The following ANO4 variants were observed in gnomAD, a reference collection of about 807,000 sequenced individuals.
ANO4 encodes the protein anoctamin-4.
A neutral mutation model predicts 141.9 loss-of-function variants in ANO4; 69 were observed. The observed-to-expected ratio is 0.49, with a 90% CI of 0.40 to 0.59. The LOEUF (loss-of-function observed/expected upper bound fraction) is 0.59, where lower values mean the gene tolerates loss of function less well. Ranked by LOEUF, ANO4 falls within the 20% of genes least tolerant of loss-of-function variation. The probability of loss-of-function intolerance (pLI) is 0.00; values close to 1 mark genes in which losing one functional copy is unlikely to be tolerated. For synonymous variants in ANO4, 350 were observed against 394.3 expected (o/e 0.89, Z 1.33); for missense variants, 894 against 1,162.2 (o/e 0.77, Z 3.36).
chr12:100,953,741 A>G (rs901940193), intron 5 of ANO4, among the ~76,000 whole-genome samples: 2 of 152,238 alleles, frequency 1.3e-5, no homozygotes, highest in African/African-American at 4.8e-5. Context: ...CTAAGCACAA[A>G]GAGAAATTGG....
At chr12:100,984,230 G>A (rs2136321010) in intron 7 of ANO4, among the ~76,000 whole-genome samples, 1 of 152,278 alleles carries the variant, frequency 6.6e-6, no homozygotes, top group South Asian at 2.1e-4. Flanking sequence ...CTAAGTAGCT[G>A]GGATTACAGG....
At chr12:100,818,333 T>C (rs1593416300) in intron 1 of ANO4, among the ~76,000 whole-genome samples, 1 of 151,878 alleles carries the variant, frequency 6.6e-6, no homozygotes, top group Non-Finnish European at 1.5e-5. Flanking sequence ...GAGCTGTGGG[T>C]ATCAGTCTTT....
chr12:100,745,914 G>C (rs557779484), intron 3 of ANO4, among the ~76,000 whole-genome samples: 47 of 152,276 alleles, frequency 3.1e-4, no homozygotes, highest in African/African-American at 1.1e-3. Context: ...TGAGAGAAAA[G>C]ACACATTACC....
intron 1 of ANO4, 54 bp from the exon 2 acceptor site, chr12:100,901,592 T>G: frequency 1.5e-6 from 1 of 651,796 alleles, no homozygotes; most frequent in East Asian, 2.7e-5. Context: ...GTAACAGCCT[T>G]TTAGCCATTC....
In ANO4 at chr12:101,110,517, C is replaced by G. The variant is rs2050622925; in HGVS notation, c.2263C>G (p.Gln755Glu). 1 of 1,609,426 alleles carries G rather than the reference C, an allele frequency of 6.2e-7. No homozygotes were observed. Among genetic ancestry groups the G allele is most frequent in the African/African-American group, 1.3e-5 (1 of 74,740 alleles). ...ACTTGATGCTTACAAATTTGTCACACAGTGGAGGAGACCTTTAGCTTCAAG... is the reference window on the plus strand; with the variant it reads ...ACTTGATGCTTACAAATTTGTCACAGAGTGGAGGAGACCTTTAGCTTCAAG... The part of the protein sequence containing the change: ...IRLDAYKFVT[Q>E]WRRPLASRAK... The change falls in exon 23 of 28, where the codon CAG becomes GAG. Residue 755 changes from glutamine to glutamate, a missense_variant. Around this residue, in one of 2 missense-constraint regions of ANO4, gnomAD observed 637 missense variants for 909.2 expected, o/e 0.70. Transcript: ENST00000392977.
chr12:100,759,059 A>G (rs2032741713), intron 3 of ANO4, among the ~76,000 whole-genome samples: 1 of 152,146 alleles, frequency 6.6e-6, no homozygotes, highest in South Asian at 2.1e-4. Context: ...AGATGGGCAT[A>G]TATTTTGGGA....
chr12:101,070,164 A>G (rs1206858117), intron 14 of ANO4, among the ~76,000 whole-genome samples: 1 of 152,304 alleles, frequency 6.6e-6, no homozygotes, highest in Middle Eastern at 3.4e-3. Context: ...TAGAAAAAAT[A>G]ATCCTAAAAT....
At chr12:101,114,850 G>C (rs1036938949) in intron 24 of ANO4, among the ~76,000 whole-genome samples, 2 of 152,130 alleles carry the variant, frequency 1.3e-5, no homozygotes, top group Non-Finnish European at 2.9e-5. Flanking sequence ...TTCAGTAGGG[G>C]AGTCCTGCTG....
rs1370047334 is a variant in ANO4, at chr12:100,998,412, T to TATCTATCTATCTATCC, written c.734+10745_734+10746insTATCTATCTATCCATC. On this transcript the variant is annotated intron_variant, in intron 8 of 27. Coordinates refer to ENST00000392977, the MANE Select transcript of ANO4 (RefSeq NM_001286615.2). ...CTATCTATCTATCTATCTATCTATC[T>TATCTATCTATCTATCC]ATCCATCCTATTAGTTCTGTCCCTC... Among the ~76,000 whole-genome samples the TATCTATCTATCTATCC allele has an allele frequency of 4.0e-5, 6 of 150,048 alleles. 1 individual carries two copies. Among genetic ancestry groups the TATCTATCTATCTATCC allele is most frequent in the African/African-American group, 1.5e-4 (6 of 40,684 alleles).
chr12:100,800,053 A>G (rs1252271445), intron 1 of ANO4, among the ~76,000 whole-genome samples: 1 of 152,202 alleles, frequency 6.6e-6, no homozygotes, highest in Non-Finnish European at 1.5e-5. Flanking sequence ...AGTGAGTCAT[A>G]TCAAGCAAAT....
At chr12:100,748,111 A>T (rs2032196327) in intron 3 of ANO4, among the ~76,000 whole-genome samples, 1 of 152,128 alleles carries the variant, frequency 6.6e-6, no homozygotes, top group Admixed American at 6.5e-5. Flanking sequence ...GGTACTCCAT[A>T]TATGCAAGCT....
Position 100,922,281 on chromosome 12 carries a change from G to A in ANO4, c.111G>A (p.Gly37=), listed in dbSNP as rs2041666665. 1.3e-6 allele frequency: 2 copies of A among 1,533,334 alleles called. No individual in the cohort carries two copies. The highest frequency in any genetic ancestry group is 1.7e-6 in the Non-Finnish European group (2 of 1,145,952). The allele number at this position is 1,533,334 out of a possible 1,614,324, so 95.0% of individuals were successfully genotyped here. A position where few individuals can be genotyped will look rare whatever the true frequency, so the allele number is the denominator to read the frequency against. Residue 37 remains glycine, a synonymous_variant, in exon 3 of 28, where the codon GGG becomes GGA. Transcript: ENST00000392977. The part of the protein sequence containing the change: ...YQLDMQILPD[G]PKSDVDFSEI... ...TGGATATGCAAATACTACCTGACGG[G>A]CCAAAGAGTGATGTGGACTTTTCAG...
chr12:100,843,322 A>G (rs948444880), intron 1 of ANO4, among the ~76,000 whole-genome samples: 6 of 152,198 alleles, frequency 3.9e-5, no homozygotes, highest in African/African-American at 9.6e-5. Context: ...TCAAGAATGA[A>G]TAGATTCACT....
intron 1 of ANO4, among the ~76,000 whole-genome samples, chr12:100,899,087 G>T (rs189613349): frequency 1.3e-5 from 2 of 152,270 alleles, no homozygotes; most frequent in East Asian, 3.9e-4. Flanking sequence ...AGACCTCTGG[G>T]AGTAGAAGGC....
At chr12:100,834,256 G>A (rs2036785782) in intron 1 of ANO4, among the ~76,000 whole-genome samples, 1 of 152,150 alleles carries the variant, frequency 6.6e-6, no homozygotes, top group Non-Finnish European at 1.5e-5. Flanking sequence ...CTACACCAGG[G>A]CAGTTAGTGG....
intron 1 of ANO4, among the ~76,000 whole-genome samples, chr12:100,865,908 G>A (rs1242914275): frequency 6.6e-6 from 1 of 152,166 alleles, no homozygotes; most frequent in East Asian, 1.9e-4. Flanking sequence ...TACCAGACTT[G>A]GTGGGGAGAC....
intron 3 of ANO4, among the ~76,000 whole-genome samples, chr12:100,761,682 G>A (rs1170224465): frequency 2.6e-5 from 4 of 152,164 alleles, no homozygotes; most frequent in Non-Finnish European, 5.9e-5. Context: ...AAACTGTTTA[G>A]GCACAGTGAG....
intron 3 of ANO4, among the ~76,000 whole-genome samples, chr12:100,764,633 C>T (rs1230795549): frequency 6.6e-6 from 1 of 152,106 alleles, no homozygotes; most frequent in Non-Finnish European, 1.5e-5. Context: ...AGAGTGTGAG[C>T]AACGGTATTT....
intron 7 of ANO4, among the ~76,000 whole-genome samples, chr12:100,978,746 G>C (rs1016947272): frequency 2.0e-5 from 3 of 152,224 alleles, no homozygotes; most frequent in African/African-American, 4.8e-5. Context: ...GAGTTGAGGA[G>C]AATGAGGTTC....
Sources: allele counts gnomAD v4.1 joint callset (sites outside exome capture counted in the v4.1 genomes callset), GRCh38; gene constraint gnomAD v4.1.1; regional missense constraint gnomAD v4.1.1; transcripts MANE v1.5; gene names NCBI Gene and HGNC (gene_info 2026-07-23, HGNC 2026-07-21).